The following DIAPH3 variants were observed in gnomAD, a reference collection of about 807,000 sequenced individuals.
DIAPH3 encodes the protein protein diaphanous homolog 3.
A neutral mutation model predicts 144.3 loss-of-function variants in DIAPH3; 117 were observed. That is an observed-to-expected ratio of 0.81 (90% CI 0.70 to 0.95). The LOEUF is 0.95. Among genes scored for constraint, DIAPH3 ranks in the 40% least tolerant of loss-of-function variants. The pLI is 0.00. For missense variants in DIAPH3, 1,421 were observed against 1,412.7 expected (o/e 1.01, Z -0.09); for synonymous variants, 519 against 488.9 (o/e 1.06, Z -0.81).
chr13:59,933,803 C>A (rs1456894410), intron 17 of DIAPH3, among the ~76,000 whole-genome samples: 1 of 152,144 alleles, frequency 6.6e-6, no homozygotes, highest in Non-Finnish European at 1.5e-5. Context: ...CTGAAAAAGT[C>A]TCTTTTAATT....
chr13:59,995,832 T>G (rs556068163), intron 9 of DIAPH3, among the ~76,000 whole-genome samples: 14 of 151,934 alleles, frequency 9.2e-5, no homozygotes, highest in African/African-American at 3.4e-4. Flanking sequence ...AATAAAGCAA[T>G]TGCCATAGCA....
chr13:59,836,105 T>G (rs1446300948), intron 23 of DIAPH3, among the ~76,000 whole-genome samples: 1 of 151,772 alleles, frequency 6.6e-6, no homozygotes, highest in Non-Finnish European at 1.5e-5. Flanking sequence ...CAAAATAAGT[T>G]TTTCTGAAAG....
At chr13:60,006,397 A>G (rs955819280) in intron 9 of DIAPH3, among the ~76,000 whole-genome samples, 5 of 152,138 alleles carry the variant, frequency 3.3e-5, no homozygotes, top group African/African-American at 1.2e-4. Context: ...TTTTACCAAT[A>G]TTTTCATAAA....
At chr13:59,950,717 A>C (rs959161186) in intron 17 of DIAPH3, among the ~76,000 whole-genome samples, 2 of 152,134 alleles carry the variant, frequency 1.3e-5, no homozygotes, top group African/African-American at 4.8e-5. Flanking sequence ...AATTAAAATC[A>C]ACAGGTTTTT....
intron 27 of DIAPH3, among the ~76,000 whole-genome samples, chr13:59,732,624 G>A (rs2035946114): frequency 1.3e-5 from 2 of 151,754 alleles, no homozygotes; most frequent in African/African-American, 4.8e-5. Context: ...TGTATTTTTA[G>A]TAGATACAGG....
intron 25 of DIAPH3, among the ~76,000 whole-genome samples, chr13:59,784,769 A>T (rs2038940823): frequency 6.6e-6 from 1 of 152,128 alleles, no homozygotes; most frequent in Non-Finnish European, 1.5e-5. Flanking sequence ...AGTTTCCCCA[A>T]AGGTTGAAAG....
intron 2 of DIAPH3, among the ~76,000 whole-genome samples, chr13:60,118,725 CA>C (rs2058759465): frequency 6.6e-6 from 1 of 152,204 alleles, no homozygotes; most frequent in Non-Finnish European, 1.5e-5. Context: ...CCTGTCCAGC[CA>C]CTTGCTTAGT....
chr13:59,788,454 T>TA (rs2039147103), intron 25 of DIAPH3, among the ~76,000 whole-genome samples: 1 of 152,144 alleles, frequency 6.6e-6, no homozygotes, highest in Non-Finnish European at 1.5e-5. Flanking sequence ...ACCTCTCCTC[T>TA]AAAAAATAGC....
intron 9 of DIAPH3, among the ~76,000 whole-genome samples, chr13:60,001,245 G>C (rs182089134): frequency 6.6e-6 from 1 of 152,260 alleles, no homozygotes; most frequent in Admixed American, 6.5e-5. Context: ...TTTACCACCA[G>C]AAAGTTCTGA....
intron 27 of DIAPH3, among the ~76,000 whole-genome samples, chr13:59,757,234 T>G (rs1347020997): frequency 6.6e-6 from 1 of 152,002 alleles, no homozygotes; most frequent in South Asian, 2.1e-4. Context: ...ATCTCTTCAC[T>G]CCACCCAGAC....
At chr13:59,996,584 C>G (rs1249249240) in intron 9 of DIAPH3, among the ~76,000 whole-genome samples, 2 of 151,950 alleles carry the variant, frequency 1.3e-5, no homozygotes, top group Non-Finnish European at 1.5e-5. Context: ...AAACTCCAGA[C>G]AGCCTAAGAC....
intron 4 of DIAPH3, among the ~76,000 whole-genome samples, chr13:60,069,074 T>C (rs2057094887): frequency 2.0e-5 from 3 of 152,156 alleles, no homozygotes; most frequent in South Asian, 4.1e-4. Flanking sequence ...TTTTCAACAA[T>C]GGTTGAACTA....
chr13:60,018,483 A>G (rs984122656), intron 5 of DIAPH3, among the ~76,000 whole-genome samples: 14 of 152,192 alleles, frequency 9.2e-5, no homozygotes, highest in African/African-American at 2.9e-4. Flanking sequence ...TAACATAATT[A>G]TAACTAGAAT....
chr13:60,116,683 A>C (rs73534925), intron 2 of DIAPH3, among the ~76,000 whole-genome samples: 9,071 of 152,114 alleles, frequency 0.06, 752 homozygotes, highest in African/African-American at 0.19. Context: ...TCAATATTAT[A>C]AATGTAAACA....
chr13:60,124,243 G>A (rs78912521), intron 2 of DIAPH3, among the ~76,000 whole-genome samples: 167 of 152,300 alleles, frequency 1.1e-3, no homozygotes, highest in African/African-American at 3.8e-3. Context: ...CACAGCAGGT[G>A]ATTTCTGCAG....
Position 59,729,808 on chromosome 13 carries a change from A to ATTTTTTTTTT in DIAPH3, c.3319+44380_3319+44381insAAAAAAAAAA, listed in dbSNP as rs202135165. ...TTTGTGACTTCCGGTGAATACATTAATATTTTTTTTTTTTTTTTTTTGAGA... is the reference window on the plus strand; with the variant it reads ...TTTGTGACTTCCGGTGAATACATTAATTTTTTTTTTTATTTTTTTTTTTTTTTTTTTGAGA... On this transcript the variant is annotated intron_variant, in intron 27 of 27. Transcript: ENST00000400324. 6.6e-4 allele frequency among the ~76,000 whole-genome samples: 76 copies of ATTTTTTTTTT among 115,180 alleles called. 2 individuals are homozygous for ATTTTTTTTTT. The highest frequency in any genetic ancestry group is 2.5e-3 in the South Asian group (9 of 3,610). 75.6% of individuals were successfully genotyped at this position (115,180 alleles called of 152,430 possible).
At chr13:59,703,617 T>C (rs1464323466) in intron 27 of DIAPH3, among the ~76,000 whole-genome samples, 1 of 152,186 alleles carries the variant, frequency 6.6e-6, no homozygotes, top group Non-Finnish European at 1.5e-5. Context: ...AGATTCTTAT[T>C]ATTGGGTGAA....
chr13:59,891,461 C>A (rs374818041), intron 20 of DIAPH3, among the ~76,000 whole-genome samples: 29 of 134,748 alleles, frequency 2.2e-4, no homozygotes, highest in Admixed American at 3.0e-4. Context: ...AAAAAAAAAA[C>A]AATCTACAAT....
At chr13:59,734,489 G>T (rs1267524540) in intron 27 of DIAPH3, among the ~76,000 whole-genome samples, 2 of 151,842 alleles carry the variant, frequency 1.3e-5, no homozygotes, top group Admixed American at 1.3e-4. Flanking sequence ...ATCTAACTTT[G>T]CCTCTGAGGA....
Sources: allele counts gnomAD v4.1 joint callset (sites outside exome capture counted in the v4.1 genomes callset), GRCh38; gene constraint gnomAD v4.1.1; transcripts MANE v1.5; gene names NCBI Gene and HGNC (gene_info 2026-07-23, HGNC 2026-07-21).